SPINT2: variants seen among roughly 807,000 people sequenced by gnomAD.
SPINT2 encodes kunitz-type protease inhibitor 2.
A neutral mutation model predicts 30.1 loss-of-function variants in SPINT2; 18 were observed. The observed-to-expected ratio is 0.60, with a 90% CI of 0.41 to 0.89. SPINT2 has a LOEUF of 0.89. SPINT2 is among the 40% of genes least tolerant of loss of function. The pLI, the probability that SPINT2 is intolerant of heterozygous loss-of-function variation, is 0.00. For synonymous variants in SPINT2, 139 were observed against 137.9 expected (o/e 1.01, Z -0.05); for missense variants, 276 against 334.3 (o/e 0.83, Z 1.36).
In SPINT2 at chr19:38,290,589, T is replaced by G; in HGVS notation, c.592+14T>G. ...TTGGCTCAAAGGGTAAGTGGCCCCT[T>G]ACCCTCCTCCTGCCATCAGCCTGCC... is the stretch of plus-strand genomic sequence containing the variant. On this transcript the variant is annotated intron_variant, in intron 6 of 6. Coordinates refer to ENST00000301244, the MANE Select transcript of SPINT2 (RefSeq NM_021102.4). The surrounding 1 kb of genome is among the most constrained non-coding windows in gnomAD (Gnocchi z 4.3). The G allele has an allele frequency of 6.2e-7, 1 of 1,613,528 alleles. No individual in the cohort carries two copies. The highest frequency in any genetic ancestry group is 8.5e-7 in the Non-Finnish European group (1 of 1,179,802).
chr19:38,276,302 G>A (rs923864076), intron 1 of SPINT2, among the ~76,000 whole-genome samples: 8 of 152,142 alleles, frequency 5.3e-5, no homozygotes, highest in Non-Finnish European at 1.0e-4. Flanking sequence ...ATGGGAGTCT[G>A]TCAATAACTA....
chr19:38,284,625 T>C (rs1156308722), intron 2 of SPINT2, among the ~76,000 whole-genome samples: 4 of 152,166 alleles, frequency 2.6e-5, no homozygotes, highest in Non-Finnish European at 5.9e-5. Flanking sequence ...CCAGCTTCCT[T>C]TCTCCCACTT....
intron 1 of SPINT2, among the ~76,000 whole-genome samples, chr19:38,266,963 C>T (rs1600329864): frequency 6.6e-6 from 1 of 152,044 alleles, no homozygotes; most frequent in Non-Finnish European, 1.5e-5. Flanking sequence ...TGAGCTGGGA[C>T]ATGGCCTCTT....
chr19:38,282,820 C>T (rs923541540), intron 1 of SPINT2, among the ~76,000 whole-genome samples: 2 of 152,166 alleles, frequency 1.3e-5, no homozygotes, highest in Admixed American at 6.5e-5. Context: ...TGTCCTGTGG[C>T]CTGCCTGGGC....
intron 1 of SPINT2, among the ~76,000 whole-genome samples, chr19:38,268,818 T>C (rs1401014853): frequency 2.0e-5 from 3 of 151,062 alleles, no homozygotes; most frequent in African/African-American, 4.9e-5. Flanking sequence ...GAAATCCTTA[T>C]ATCAGGTAGC....
chr19:38,290,377 T>C lies in SPINT2; in HGVS notation c.553+97T>C, dbSNP rs1968702492. ...TATGAAGGCCTTGGAAATGCTGTTC[T>C]TGGGCCCACCAGGGCAGCAAGGCCT... On this transcript the variant is annotated intron_variant, in intron 5 of 6. Transcript: ENST00000301244. This position sits in a 1 kb window ranked among gnomAD's most constrained non-coding sequence, Gnocchi z 4.3. The C allele has an allele frequency of 3.8e-6, 6 of 1,579,472 alleles. No homozygotes were observed. Among genetic ancestry groups the C allele is most frequent in the Non-Finnish European group, 5.2e-6 (6 of 1,163,098 alleles).
chr19:38,291,728 G>T, intron 6 of SPINT2, 112 bp from the exon 7 acceptor site: 2 of 1,327,282 alleles, frequency 1.5e-6, no homozygotes, highest in African/African-American at 2.9e-5. Context: ...TTGGGGAGGG[G>T]CATTTGGTCC....
chr19:38,265,149 T>G (rs1215788630), intron 1 of SPINT2, 151 bp downstream of exon 1: 1 of 710,938 alleles, frequency 1.4e-6, no homozygotes, highest in African/African-American at 1.8e-5. Flanking sequence ...CCTGGAGGAT[T>G]GAGCCTTGAA....
intron 6 of SPINT2, chr19:38,291,109 C>T (rs530197798): frequency 1.8e-4 from 37 of 207,048 alleles, no homozygotes; most frequent in African/African-American, 6.9e-4. Context: ...ACCTGGCCTG[C>T]GAGTCTGTCC....
chr19:38,265,084 G>T lies in SPINT2; in HGVS notation c.106+86G>T, dbSNP rs916164507. On this transcript the variant is annotated intron_variant, in intron 1 of 6. Coordinates refer to ENST00000301244, the MANE Select transcript of SPINT2 (RefSeq NM_021102.4). Reference sequence around the variant, plus strand: ...GGGGGTCTGAGCAGGGAGAACTGGCGGGGGAGGAAACTGGGGGCTACTTGA... The same window carrying T: ...GGGGGTCTGAGCAGGGAGAACTGGCTGGGGAGGAAACTGGGGGCTACTTGA... 8.0e-6 allele frequency: 9 copies of T among 1,127,584 alleles called. 1 individual carries two copies. In the South Asian group the frequency reaches 1.1e-4, roughly 13 times the overall value. The allele number at this position is 1,127,584 out of a possible 1,614,324, so 69.8% of individuals were successfully genotyped here. A position where few individuals can be genotyped will look rare whatever the true frequency, so the allele number is the denominator to read the frequency against.
chr19:38,291,535 A>T, intron 6 of SPINT2: 1 of 376,304 alleles, frequency 2.7e-6, no homozygotes, highest in South Asian at 3.2e-5. Context: ...GCTCCTGTGC[A>T]GGTTGCCCTG....
intron 1 of SPINT2, among the ~76,000 whole-genome samples, chr19:38,276,135 T>C (rs570459906): frequency 5.9e-5 from 9 of 152,230 alleles, no homozygotes; most frequent in Admixed American, 2.0e-4. Flanking sequence ...TTGTATTCAG[T>C]ATTTGGCCCC....
At chr19:38,288,225 G>T (rs1968666360) in intron 3 of SPINT2, among the ~76,000 whole-genome samples, 4 of 151,952 alleles carry the variant, frequency 2.6e-5, no homozygotes, top group Admixed American at 2.0e-4. Flanking sequence ...TGAGGCTCAG[G>T]CCCCTCCTTG....
At chr19:38,265,275 C>T (rs531686714) in intron 1 of SPINT2, 11 of 290,062 alleles carry the variant, frequency 3.8e-5, no homozygotes, top group African/African-American at 2.2e-4. Context: ...GGCACTGCCC[C>T]TTCCTGTGGC....
intron 1 of SPINT2, among the ~76,000 whole-genome samples, chr19:38,267,214 C>G (rs549500162): frequency 3.3e-5 from 5 of 152,202 alleles, no homozygotes; most frequent in Non-Finnish European, 7.3e-5. Context: ...CCTCACTCAT[C>G]GTAAGTTCTG....
chr19:38,286,429 C>T (rs1432933301), intron 2 of SPINT2, among the ~76,000 whole-genome samples: 2 of 152,162 alleles, frequency 1.3e-5, no homozygotes, highest in East Asian at 1.9e-4. Context: ...CCCGAGGATG[C>T]GGAGGAGCCA....
At chr19:38,276,149 T>C (rs1214237609) in intron 1 of SPINT2, among the ~76,000 whole-genome samples, 1 of 152,158 alleles carries the variant, frequency 6.6e-6, no homozygotes, top group Admixed American at 6.6e-5. Context: ...TGGCCCCTTA[T>C]AGAAAACATT....
intron 1 of SPINT2, among the ~76,000 whole-genome samples, chr19:38,265,934 A>G (rs2146263312): frequency 6.6e-6 from 1 of 152,300 alleles, no homozygotes; most frequent in African/African-American, 2.4e-5. Context: ...ACTTGCCATG[A>G]GATTAAGTTA....
At chr19:38,280,259 C>T (rs1477907263) in intron 1 of SPINT2, among the ~76,000 whole-genome samples, 1 of 152,164 alleles carries the variant, frequency 6.6e-6, no homozygotes, top group Non-Finnish European at 1.5e-5. Context: ...AAGAGCTGTC[C>T]TCAGCCGCTA....
Sources: gnomAD v4.1 joint callset for allele counts (sites outside exome capture counted in the v4.1 genomes callset) on GRCh38, gnomAD v4.1.1 for gene constraint, Gnocchi (gnomAD v3.1) non-coding constraint, MANE v1.5 for transcripts, NCBI Gene and HGNC (gene_info 2026-07-23, HGNC 2026-07-21) for gene names.